The following PLEKHA5 variants were observed in gnomAD, a reference collection of about 807,000 sequenced individuals.
PLEKHA5 encodes the protein pleckstrin homology domain-containing family A member 5.
PLEKHA5 carries 55 observed loss-of-function variants against 181.9 expected under a neutral mutation model. The ratio of observed to expected loss-of-function variants is 0.30; its 90% CI spans 0.24 to 0.38. The LOEUF (loss-of-function observed/expected upper bound fraction) is 0.38, where lower values mean the gene tolerates loss of function less well. PLEKHA5 is among the 10% of genes least tolerant of loss of function. PLEKHA5 has a pLI of 1.00. For synonymous variants in PLEKHA5, 535 were observed against 529.4 expected (o/e 1.01, Z -0.15); for missense variants, 1,432 against 1,549.5 (o/e 0.92, Z 1.27).
At position 19,322,313 on chromosome 12, in the gene PLEKHA5, A is replaced by G; in HGVS notation, c.2221A>G (p.Lys741Glu). 6.2e-7 allele frequency: 1 copy of G among 1,611,386 alleles called. No homozygotes were observed. Among genetic ancestry groups the G allele is most frequent in the Non-Finnish European group, 8.5e-7 (1 of 1,177,728 alleles). The change falls in exon 19 of 32, where the codon AAG becomes GAG. Residue 741 changes from lysine to glutamate, a missense_variant. By Grantham distance (56) the Lys-to-Glu change is moderately conservative. Transcript: ENST00000429027. ...GACATCTTCTCTTATAACCTAGGCC[A>G]AGTTAAGCCGATTATGTGAACAAGA... is the stretch of plus-strand genomic sequence containing the variant. ...YRPEEVDIDA[K>E]LSRLCEQDKV...
At chr12:19,187,515 G>C (rs551805755) in intron 3 of PLEKHA5, among the ~76,000 whole-genome samples, 1 of 152,118 alleles carries the variant, frequency 6.6e-6, no homozygotes, top group Non-Finnish European at 1.5e-5. Context: ...GCTTCAGTTC[G>C]TCAGTCATGG....
intron 8 of PLEKHA5, among the ~76,000 whole-genome samples, chr12:19,267,854 T>C (rs978735383): frequency 2.1e-5 from 3 of 141,364 alleles, no homozygotes; most frequent in Non-Finnish European, 4.6e-5. Context: ...TCCCAGCTAC[T>C]TGGGCTGAGG....
chr12:19,287,413 G>A, intron 12 of PLEKHA5, 60 bp from the exon 13 acceptor site: 1 of 903,002 alleles, frequency 1.1e-6, no homozygotes, highest in Non-Finnish European at 1.8e-6. Flanking sequence ...TCTCCTTGCT[G>A]ACATTGATAA....
At chr12:19,299,496 C>T (rs2163222) in intron 15 of PLEKHA5, among the ~76,000 whole-genome samples, 18,572 of 152,174 alleles carry the variant, frequency 0.12, 1,640 homozygotes, top group East Asian at 0.24. Flanking sequence ...AATCTTTGCA[C>T]GCACATAGCA....
chr12:19,253,064 C>CTTTTTT lies in PLEKHA5; in HGVS notation c.228-855_228-850dup, dbSNP rs35536570. On this transcript the variant is annotated intron_variant, in intron 3 of 31. Coordinates refer to ENST00000429027, the MANE Select transcript of PLEKHA5 (RefSeq NM_001256470.2). ...GAGCTAAACAGCCAAATCAACTTAC[C>CTTTTTT]TTTTTTTTTTTTTTTTTTTTTTTTT... Among the ~76,000 whole-genome samples, 89 of 45,878 alleles carry CTTTTTT rather than the reference C, an allele frequency of 1.9e-3. 15 individuals are homozygous for CTTTTTT. The highest frequency in any genetic ancestry group is 0.011 in the South Asian group (10 of 920). 30.1% of individuals were successfully genotyped at this position (45,878 alleles called of 152,430 possible). A position where few individuals can be genotyped will look rare whatever the true frequency, so the allele number is the denominator to read the frequency against.
chr12:19,362,470 G>A lies in PLEKHA5; in HGVS notation c.3608+764G>A, dbSNP rs530922298. On this transcript the variant is annotated intron_variant, in intron 29 of 31. Transcript: ENST00000429027. ...AAATGCTTGAACCCAGGAGGCAGAG[G>A]TTGCAGTGAGCCAAGATCACACCAC... Among the ~76,000 whole-genome samples, 26 of 151,974 alleles carry A rather than the reference G, an allele frequency of 1.7e-4. No individual in the cohort carries two copies. In the South Asian group the frequency reaches 5.2e-3, roughly 30 times the overall value.
chr12:19,355,193 C>T (rs972364863), intron 26 of PLEKHA5, among the ~76,000 whole-genome samples: 21 of 152,130 alleles, frequency 1.4e-4, no homozygotes, highest in African/African-American at 4.8e-4. Context: ...ATGCTGAGAA[C>T]ACTTAACTCC....
intron 21 of PLEKHA5, among the ~76,000 whole-genome samples, chr12:19,337,615 T>G (rs1443069011): frequency 6.8e-6 from 1 of 148,126 alleles, no homozygotes; most frequent in African/African-American, 2.5e-5. Context: ...GGAACGCAGA[T>G]AATACATGTT....
At chr12:19,237,402 A>G (rs1253175022) in intron 3 of PLEKHA5, among the ~76,000 whole-genome samples, 1 of 152,066 alleles carries the variant, frequency 6.6e-6, no homozygotes, top group Non-Finnish European at 1.5e-5. Context: ...TTTTTAACTT[A>G]CTCACAGAAG....
intron 3 of PLEKHA5, among the ~76,000 whole-genome samples, chr12:19,213,731 G>C (rs1026027987): frequency 1.3e-5 from 2 of 152,170 alleles, no homozygotes; most frequent in African/African-American, 4.8e-5. Context: ...TCAATACAAC[G>C]TAAGTTAAGG....
At chr12:19,325,087 A>C (rs1016702712) in intron 20 of PLEKHA5, among the ~76,000 whole-genome samples, 4 of 152,246 alleles carry the variant, frequency 2.6e-5, no homozygotes, top group South Asian at 2.1e-4. Flanking sequence ...ATTTGTTAAA[A>C]ATATCTTAAT....
rs376879110 is a variant in PLEKHA5 at position 19,129,764 on chromosome 12, G to A, written c.-36G>A. 33 of 1,511,270 alleles carry A rather than the reference G, an allele frequency of 2.2e-5. No homozygotes were observed. In the African/African-American group the frequency reaches 4.4e-4, roughly 20 times the overall value. The allele number at this position is 1,511,270 out of a possible 1,614,324, so 93.6% of individuals were successfully genotyped here. A position where few individuals can be genotyped will look rare whatever the true frequency, so the allele number is the denominator to read the frequency against. On this transcript the variant is annotated 5_prime_UTR_variant, in exon 1 of 32. Coordinates refer to ENST00000429027, the MANE Select transcript of PLEKHA5 (RefSeq NM_001256470.2). ...TCCTCCCTCGGCAGCCGCGGCGGCAGCAGGAGAAGGCGGCGGCGGCGGCTA... is the reference window on the plus strand; with the variant it reads ...TCCTCCCTCGGCAGCCGCGGCGGCAACAGGAGAAGGCGGCGGCGGCGGCTA...
At chr12:19,328,669 AT>A (rs2092528266) in intron 20 of PLEKHA5, among the ~76,000 whole-genome samples, 1 of 151,382 alleles carries the variant, frequency 6.6e-6, no homozygotes, top group Non-Finnish European at 1.5e-5. Flanking sequence ...AATGCCAGTG[AT>A]TTTTGTACAT....
chr12:19,281,851 G>C (rs189676012), intron 11 of PLEKHA5, among the ~76,000 whole-genome samples: 23 of 152,002 alleles, frequency 1.5e-4, no homozygotes, highest in Non-Finnish European at 1.5e-4. Context: ...GCGCGATCTT[G>C]TCTCGCTGCA....
At chr12:19,266,279 G>A (rs1261806943) in intron 8 of PLEKHA5, among the ~76,000 whole-genome samples, 1 of 151,268 alleles carries the variant, frequency 6.6e-6, no homozygotes, top group East Asian at 1.9e-4. Context: ...TTGAGCCTGG[G>A]GAATATAGTG....
chr12:19,334,153 A>C (rs1418521300), intron 20 of PLEKHA5, among the ~76,000 whole-genome samples: 3 of 152,122 alleles, frequency 2.0e-5, no homozygotes, highest in Admixed American at 6.6e-5. Flanking sequence ...GTTGGGAGGA[A>C]ATGTGTTGTG....
At chr12:19,201,220 C>T (rs565122733) in intron 3 of PLEKHA5, 1 of 152,106 alleles carries the variant, frequency 6.6e-6, no homozygotes, top group African/African-American at 2.4e-5. Flanking sequence ...TGAGAATATA[C>T]TCAAATAGCC....
chr12:19,334,818 C>CAAAAAAA (rs1241415983), intron 20 of PLEKHA5, among the ~76,000 whole-genome samples: 130 of 5,948 alleles, frequency 0.022, 25 homozygotes, highest in Non-Finnish European at 0.034. Context: ...CCTGTCTTCA[C>CAAAAAAA]AAAAAAAAAA....
intron 11 of PLEKHA5, among the ~76,000 whole-genome samples, chr12:19,275,255 G>C (rs1302282640): frequency 1.3e-5 from 2 of 152,012 alleles, no homozygotes; most frequent in African/African-American, 4.8e-5. Flanking sequence ...GAGTTTATTT[G>C]GGAGAGGGAG....
Sources: allele counts gnomAD v4.1 joint callset (sites outside exome capture counted in the v4.1 genomes callset), GRCh38; gene constraint gnomAD v4.1.1; transcripts MANE v1.5; gene names NCBI Gene and HGNC (gene_info 2026-07-23, HGNC 2026-07-21).